CASK: variants seen among roughly 807,000 people sequenced by gnomAD.
CASK encodes the protein calcium/calmodulin dependent serine protein kinase.
CASK carries 4 observed loss-of-function variants against 82.9 expected under a neutral mutation model. That is an observed-to-expected ratio of 0.05 (90% CI 0.02 to 0.11). The LOEUF (loss-of-function observed/expected upper bound fraction) is 0.11, where lower values mean the gene tolerates loss of function less well. Among genes scored for constraint, CASK ranks in the 10% least tolerant of loss-of-function variants. CASK has a pLI of 1.00. For synonymous variants in CASK, 259 were observed against 253.5 expected (o/e 1.02, Z -0.20); for missense variants, 358 against 720.9 (o/e 0.50, Z 5.76).
At chrX:41,833,628 T>C (rs924797205) in intron 2 of CASK, among the ~76,000 whole-genome samples, 2 of 112,192 alleles carry the variant, frequency 1.8e-5, no homozygotes, top group African/African-American at 6.5e-5. Flanking sequence ...GAGTGTTTTA[T>C]GGTGTGTGAA....
At chrX:41,529,596 C>T (rs1001306776) in intron 25 of CASK, 1 of 113,850 alleles carries the variant, frequency 8.8e-6, no homozygotes, top group Non-Finnish European at 1.8e-5. Context: ...AGACCAGGAC[C>T]AGGATTGAGA....
chrX:41,758,771 A>C (rs2068943081), intron 3 of CASK, among the ~76,000 whole-genome samples: 2 of 112,396 alleles, frequency 1.8e-5, no homozygotes, highest in African/African-American at 6.5e-5. Context: ...TAATTAAGAT[A>C]TGCAAGTAGA....
At chrX:41,784,343 T>C (rs1015051990) in intron 3 of CASK, among the ~76,000 whole-genome samples, 7 of 112,204 alleles carry the variant, frequency 6.2e-5, no homozygotes, top group African/African-American at 1.6e-4. Context: ...CCAGGCAATA[T>C]ATTCATGGTA....
At chrX:41,771,425 T>G (rs185210490) in intron 3 of CASK, among the ~76,000 whole-genome samples, 7 of 112,113 alleles carry the variant, frequency 6.2e-5, no homozygotes, top group African/African-American at 2.3e-4. Context: ...GATAAGTGTG[T>G]GGGTAAATCC....
At chrX:41,554,549 T>A (rs747576449) in intron 20 of CASK, among the ~76,000 whole-genome samples, 1 of 112,173 alleles carries the variant, frequency 8.9e-6, no homozygotes, top group Non-Finnish European at 1.9e-5. Context: ...TAAAAATGAA[T>A]TTGAACCCTA....
chrX:41,545,997 AGTGTCGCTCT>A (rs1031339979), intron 21 of CASK, among the ~76,000 whole-genome samples: 4 of 109,024 alleles, frequency 3.7e-5, no homozygotes, highest in African/African-American at 1.3e-4. Context: ...CTTGAGACAG[AGTGTCGCTCT>A]GTTGCCCAGG....
intron 2 of CASK, among the ~76,000 whole-genome samples, chrX:41,805,842 T>A (rs1478317651): frequency 1.8e-5 from 2 of 110,699 alleles, no homozygotes; most frequent in East Asian, 5.7e-4. Flanking sequence ...AGATGCAAAG[T>A]CAGACTCAGG....
At position 41,718,296 on chromosome X, in the gene CASK, C is replaced by T. The variant is rs149429952; in HGVS notation, c.429+21088G>A. Among the ~76,000 whole-genome samples, 100 of 113,091 alleles carry T rather than the reference C, an allele frequency of 8.8e-4. No homozygotes were observed. The East Asian group carries it at 0.019, about 21-fold the overall frequency. Reference sequence around the variant, plus strand: ...ATATACTTTATAATAAATCGGTAAACGTATTTCCCTGAATTCTGTGAGCTG... The same window carrying T: ...ATATACTTTATAATAAATCGGTAAATGTATTTCCCTGAATTCTGTGAGCTG... On this transcript the variant is annotated intron_variant, in intron 5 of 26. Coordinates refer to ENST00000378163, the MANE Select transcript of CASK (RefSeq NM_001367721.1).
At chrX:41,704,701 A>G (rs1245517955) in intron 5 of CASK, among the ~76,000 whole-genome samples, 3 of 112,324 alleles carry the variant, frequency 2.7e-5, no homozygotes, top group Non-Finnish European at 5.6e-5. Context: ...GCTGAATCCA[A>G]TAGGTTTTCT....
intron 3 of CASK, among the ~76,000 whole-genome samples, chrX:41,752,135 C>T (rs931964644): frequency 7.3e-5 from 8 of 110,106 alleles, no homozygotes; most frequent in African/African-American, 2.6e-4. Context: ...AAAACTTCTG[C>T]AAGAAACGAG....
At chrX:41,616,455 A>G (rs759347061) in intron 11 of CASK, among the ~76,000 whole-genome samples, 31 of 111,506 alleles carry the variant, frequency 2.8e-4, no homozygotes, top group Non-Finnish European at 5.8e-4. Context: ...TTGGCTTCAA[A>G]GTCTATGTTT....
intron 2 of CASK, among the ~76,000 whole-genome samples, chrX:41,837,586 T>C (rs1042450107): frequency 1.8e-5 from 2 of 112,284 alleles, no homozygotes; most frequent in African/African-American, 6.5e-5. Context: ...ATAAAGGAAA[T>C]CATACAGTAC....
At chrX:41,692,921 T>C (rs1402527958) in intron 5 of CASK, among the ~76,000 whole-genome samples, 1 of 112,500 alleles carries the variant, frequency 8.9e-6, no homozygotes, top group Non-Finnish European at 1.9e-5. Context: ...TACAGCTGCT[T>C]TTAATATCCA....
At chrX:41,696,310 T>C in intron 5 of CASK, 1 of 1,177,441 alleles carries the variant, frequency 8.5e-7, no homozygotes, top group Non-Finnish European at 1.1e-6. Context: ...CTTGTGGTAA[T>C]GTTCTGGCTA....
intron 4 of CASK, among the ~76,000 whole-genome samples, chrX:41,741,813 GCTGA>G (rs2147725675): frequency 8.9e-6 from 1 of 112,314 alleles, no homozygotes; most frequent in South Asian, 3.7e-4. Flanking sequence ...CTAGGAAGTT[GCTGA>G]CTAAACTTTT....
At chrX:41,817,505 G>A (rs1015486161) in intron 2 of CASK, among the ~76,000 whole-genome samples, 3 of 111,629 alleles carry the variant, frequency 2.7e-5, no homozygotes, top group African/African-American at 9.8e-5. Flanking sequence ...CTACAAAAAA[G>A]CTATTAGAAC....
At position 41,609,913 on chromosome X, in the gene CASK, T is replaced by A; in HGVS notation, c.1146A>T (p.Thr382=). ...HSVFQDQHLH[T]LLDLYDKINT... ...AAAAAGACAGACTTACATCTAGTAGTGTGTGAAGATGCTGATCCTGGAAAA... is the reference window on the plus strand; with the variant it reads ...AAAAAGACAGACTTACATCTAGTAGAGTGTGAAGATGCTGATCCTGGAAAA... Residue 382 remains threonine, a synonymous_variant, in exon 12 of 27, where the codon ACA becomes ACT. Transcript: ENST00000378163. 8.3e-7 allele frequency: 1 copy of A among 1,208,290 alleles called. No homozygotes were observed. Among genetic ancestry groups the A allele is most frequent in the Non-Finnish European group, 1.1e-6 (1 of 892,551 alleles).
chrX:41,544,564 T>TA (rs752196101), intron 21 of CASK, among the ~76,000 whole-genome samples: 800 of 48,159 alleles, frequency 0.017, 12 homozygotes, highest in African/African-American at 0.044. Flanking sequence ...AGACCTTGTC[T>TA]AAAAAAAAAA....
chrX:41,863,485 G>T (rs967670468), intron 1 of CASK, among the ~76,000 whole-genome samples: 1 of 112,199 alleles, frequency 8.9e-6, no homozygotes, highest in African/African-American at 3.2e-5. Flanking sequence ...AAGTGCTAAA[G>T]GCAAGCTCTT....
Sources: gnomAD v4.1 joint callset for allele counts (sites outside exome capture counted in the v4.1 genomes callset) on GRCh38, gnomAD v4.1.1 for gene constraint, MANE v1.5 for transcripts, NCBI Gene and HGNC (gene_info 2026-07-23, HGNC 2026-07-21) for gene names.